Variants in ASPHD2 observed in about 807,000 individuals in gnomAD.
ASPHD2 encodes the protein aspartate beta-hydroxylase domain-containing protein 2.
Under a neutral mutation model 34.6 loss-of-function variants are expected in ASPHD2, and 12 were observed. The observed-to-expected ratio is 0.35, with a 90% CI of 0.22 to 0.56. The LOEUF (loss-of-function observed/expected upper bound fraction) is 0.56, where lower values mean the gene tolerates loss of function less well. ASPHD2 is among the 20% of genes least tolerant of loss of function. The probability of loss-of-function intolerance (pLI) is 0.87; values close to 1 mark genes in which losing one functional copy is unlikely to be tolerated. For synonymous variants in ASPHD2, 224 were observed against 212.2 expected (o/e 1.06, Z -0.48); for missense variants, 375 against 505.0 (o/e 0.74, Z 2.47).
chr22:26,436,260 C>T (rs1020873429), intron 2 of ASPHD2, among the ~76,000 whole-genome samples: 3 of 152,198 alleles, frequency 2.0e-5, no homozygotes, highest in South Asian at 2.1e-4. Flanking sequence ...ACGATTCCCA[C>T]TTGCTGGCTG....
In ASPHD2 at chr22:26,443,228, C is replaced by T. The variant is rs771483098; in HGVS notation, c.*22C>T. On this transcript the variant is annotated 3_prime_UTR_variant, in exon 4 of 4. Coordinates refer to ENST00000215906, the MANE Select transcript of ASPHD2 (RefSeq NM_020437.5). ...ATGAGAGTATTTCCCATGCTGGAGT[C>T]GGCGAGAAGGGCCGAGGCGGGGCCT... 24 of 1,604,412 alleles carry T rather than the reference C, an allele frequency of 1.5e-5. No homozygotes were observed. Among genetic ancestry groups the T allele is most frequent in the East Asian group, 2.2e-5 (1 of 44,840 alleles).
rs1220738861 is a variant in ASPHD2, at chr22:26,433,178, G to A, written c.-224-214G>A. On this transcript the variant is annotated intron_variant, in intron 1 of 3. Coordinates refer to ENST00000215906, the MANE Select transcript of ASPHD2 (RefSeq NM_020437.5). The surrounding 1 kb of genome is among the most constrained non-coding windows in gnomAD (Gnocchi z 5.1). ...CTCCTATGGAGGGCACAAAGCAGAT[G>A]GGACCACTGTAATTATAAGCAGTAC... is the stretch of plus-strand genomic sequence containing the variant. Among the ~76,000 whole-genome samples the A allele has an allele frequency of 6.6e-6, 1 of 152,104 alleles. No homozygotes were observed. Among genetic ancestry groups the A allele is most frequent in the Non-Finnish European group, 1.5e-5 (1 of 68,030 alleles).
rs1292665442 is a variant in ASPHD2 at position 26,442,107 on chromosome 22, A to C, written c.887-352A>C. On this transcript the variant is annotated intron_variant, in intron 2 of 3. Coordinates refer to ENST00000215906, the MANE Select transcript of ASPHD2 (RefSeq NM_020437.5). ...GGCAACAGAGAGAGACTCCATTTCA[A>C]AAAAAAAAAAAAAAAAAGGGAAAAG... Among the ~76,000 whole-genome samples the C allele has an allele frequency of 5.8e-4, 26 of 45,138 alleles. 1 individual carries two copies. Among genetic ancestry groups the C allele is most frequent in the African/African-American group, 2.2e-3 (25 of 11,304 alleles). The allele number at this position is 45,138 out of a possible 152,430, so 29.6% of individuals were successfully genotyped here. A position where few individuals can be genotyped will look rare whatever the true frequency, so the allele number is the denominator to read the frequency against.
In ASPHD2 at chr22:26,433,876, C is replaced by T. The variant is rs777503190; in HGVS notation, c.261C>T (p.Val87=). 2 of 1,613,734 alleles carry T rather than the reference C, an allele frequency of 1.2e-6. No individual in the cohort carries two copies. The highest frequency in any genetic ancestry group is 1.1e-5 in the South Asian group (1 of 91,092). Residue 87 remains valine (V), a synonymous_variant, in exon 2 of 4, where the codon GTC becomes GTT. Coordinates refer to ENST00000215906, the MANE Select transcript of ASPHD2 (RefSeq NM_020437.5). This position sits in a 1 kb window ranked among gnomAD's most constrained non-coding sequence, Gnocchi z 5.1. ...GCAGGGAGCAGCCCCGGCCCTACGT[C>T]TCCGTCAACTCCCTCATGCAGGCTG... The part of the protein sequence containing the change: ...HVGREQPRPY[V]SVNSLMQAAD...
chr22:26,440,773 G>T (rs1001899954), intron 2 of ASPHD2, among the ~76,000 whole-genome samples: 9 of 152,156 alleles, frequency 5.9e-5, no homozygotes, highest in African/African-American at 2.2e-4. Context: ...GGATTAAAAG[G>T]CTAGAACCCA....
rs1386226447 is a variant in ASPHD2 at position 26,429,436 on chromosome 22, G to C, written c.-275G>C. 1 of 145,810 alleles carries C rather than the reference G, an allele frequency of 6.9e-6. No individual in the cohort carries two copies. The highest frequency in any genetic ancestry group is 1.5e-5 in the Non-Finnish European group (1 of 65,758). The allele number at this position is 145,810 out of a possible 1,614,324, so 9.0% of individuals were successfully genotyped here. On this transcript the variant is annotated 5_prime_UTR_variant, in exon 1 of 4. Coordinates refer to ENST00000215906, the MANE Select transcript of ASPHD2 (RefSeq NM_020437.5). The surrounding 1 kb of genome is among the most constrained non-coding windows in gnomAD (Gnocchi z 4.5). The stretch of plus-strand genomic sequence containing the variant: ...GGGCCGTCCGCGGGTCCGCGCCCTC[G>C]GGCGGCGGCGTCTCCTGGGTCCCGG...
In ASPHD2 at chr22:26,443,683, TGGCACACTGG is replaced by T. The variant is rs946771367; in HGVS notation, c.*480_*489del. The T allele has an allele frequency of 6.6e-6, 1 of 151,250 alleles. No individual in the cohort carries two copies. Among genetic ancestry groups the T allele is most frequent in the African/African-American group, 2.4e-5 (1 of 40,988 alleles). 9.4% of individuals were successfully genotyped at this position (151,250 alleles called of 1,614,324 possible). On this transcript the variant is annotated 3_prime_UTR_variant, in exon 4 of 4. Coordinates refer to ENST00000215906, the MANE Select transcript of ASPHD2 (RefSeq NM_020437.5). ...AGCTAGAGAACTTGGCCTCTGATGC[TGGCACACTGG>T]GGACCCTTCAGCCACCTGACGGCAG...
rs2084772691 is a variant in ASPHD2 at position 26,433,788 on chromosome 22, C to A, written c.173C>A (p.Thr58Asn). 5.6e-6 allele frequency: 9 copies of A among 1,613,962 alleles called. No individual in the cohort carries two copies. The highest frequency in any genetic ancestry group is 7.6e-6 in the Non-Finnish European group (9 of 1,180,016). ...ATCCAGTCCGTGCGGGACTGCGACA[C>A]CACCGCTGTCATCACTGTGGCCTGC... ...TGIQSVRDCD[T>N]TAVITVACLL... Residue 58 changes from threonine (T) to asparagine (N), a missense_variant, in exon 2 of 4, where the codon ACC becomes AAC. Physicochemically the swap from Thr to Asn is moderately conservative, Grantham distance 65 (BLOSUM62 0). Transcript: ENST00000215906. The surrounding 1 kb of genome is among the most constrained non-coding windows in gnomAD (Gnocchi z 5.1).
In ASPHD2 at chr22:26,444,735, C is replaced by A. The variant is rs1037345264; in HGVS notation, c.*1529C>A. ...ACAGTTGAAATGCACCAGGCAGGTA[C>A]TAGCAAGTGTGCAAAGAGCACGTCT... On this transcript the variant is annotated 3_prime_UTR_variant, in exon 4 of 4. Transcript: ENST00000215906. 6.6e-6 allele frequency: 1 copy of A among 152,242 alleles called. No homozygotes were observed. Among genetic ancestry groups the A allele is most frequent in the African/African-American group, 2.4e-5 (1 of 41,446 alleles). 9.4% of individuals were successfully genotyped at this position (152,242 alleles called of 1,614,324 possible).
At position 26,430,650 on chromosome 22, in the gene ASPHD2, T is replaced by G. The variant is rs533996463; in HGVS notation, c.-225+1164T>G. 2.0e-4 allele frequency among the ~76,000 whole-genome samples: 30 copies of G among 152,362 alleles called. 2 individuals carry two copies. Among genetic ancestry groups the G allele is most frequent in the Middle Eastern group, 3.4e-3 (1 of 294 alleles). ...ATGTTTGAAGCAGTGCTTAATAAAC[T>G]GCCAGTCACTCTGCAAATGTGTTTC... On this transcript the variant is annotated intron_variant, in intron 1 of 3. Coordinates refer to ENST00000215906, the MANE Select transcript of ASPHD2 (RefSeq NM_020437.5).
intron 1 of ASPHD2, among the ~76,000 whole-genome samples, chr22:26,431,417 G>GAAAAAAAAAA (rs3071719): frequency 7.3e-6 from 1 of 136,618 alleles, no homozygotes; most frequent in Non-Finnish European, 1.6e-5. Context: ...GTGTGGGAAA[G>GAAAAAAAAAA]AAAAAAAAAA....
At chr22:26,441,478 T>TAA (rs34554219) in intron 2 of ASPHD2, among the ~76,000 whole-genome samples, 2,753 of 95,592 alleles carry the variant, frequency 0.029, 156 homozygotes, top group African/African-American at 0.088. Context: ...ACCTTGTATC[T>TAA]AAAAAAAAAA....
chr22:26,443,183 T>G lies in ASPHD2; in HGVS notation c.1087T>G (p.Phe363Val). 6.2e-7 allele frequency: 1 copy of G among 1,614,138 alleles called. No homozygotes were observed. The highest frequency in any genetic ancestry group is 8.5e-7 in the Non-Finnish European group (1 of 1,179,994). Residue 363 changes from phenylalanine to valine, a missense_variant, in exon 4 of 4, where the codon TTC becomes GTC. By Grantham distance (50) the Phe-to-Val change is conservative. Transcript: ENST00000215906. ...AGCGGCCGAACGGCAGGCTCTTGAT[T>G]TCATCTTTGCTCCGGGACGATGAGA... The part of the protein sequence containing the change: ...VAAAERQALD[F>V]IFAPGR
chr22:26,437,804 CCCTCCTT>C (rs1460310302), intron 2 of ASPHD2, among the ~76,000 whole-genome samples: 1 of 152,142 alleles, frequency 6.6e-6, no homozygotes, highest in Non-Finnish European at 1.5e-5. Flanking sequence ...CCTTTCTCTA[CCCTCCTT>C]CCTGCCTCTT....
At position 26,433,140 on chromosome 22, in the gene ASPHD2, G is replaced by C. The variant is rs1246926446; in HGVS notation, c.-224-252G>C. On this transcript the variant is annotated intron_variant, in intron 1 of 3. Coordinates refer to ENST00000215906, the MANE Select transcript of ASPHD2 (RefSeq NM_020437.5). This position sits in a 1 kb window ranked among gnomAD's most constrained non-coding sequence, Gnocchi z 5.1. ...CCTCAGTTTTCTCATCTGTAAAATG[G>C]GGATAATAGCACCTCCTATGGAGGG... Among the ~76,000 whole-genome samples the C allele has an allele frequency of 3.9e-5, 6 of 152,116 alleles. No individual in the cohort carries two copies. The highest frequency in any genetic ancestry group is 2.9e-5 in the Non-Finnish European group (2 of 68,022).
intron 2 of ASPHD2, among the ~76,000 whole-genome samples, chr22:26,442,218 T>C (rs1001838567): frequency 6.6e-6 from 1 of 151,668 alleles, no homozygotes; most frequent in Non-Finnish European, 1.5e-5. Context: ...ACCTTCATGA[T>C]CTGATCACTT....
At chr22:26,438,664 T>TATATATAC (rs1568984174) in intron 2 of ASPHD2, among the ~76,000 whole-genome samples, 13 of 113,726 alleles carry the variant, frequency 1.1e-4, no homozygotes, top group African/African-American at 4.2e-4. Flanking sequence ...TATATATATA[T>TATATATAC]ACACATACAT....
In ASPHD2 at chr22:26,429,601, C is replaced by T. The variant is rs934759040; in HGVS notation, c.-225+115C>T. On this transcript the variant is annotated intron_variant, in intron 1 of 3. Coordinates refer to ENST00000215906, the MANE Select transcript of ASPHD2 (RefSeq NM_020437.5). This position sits in a 1 kb window ranked among gnomAD's most constrained non-coding sequence, Gnocchi z 4.5. The stretch of plus-strand genomic sequence containing the variant: ...CTGCAGGCCCACGGCCCTCCCTTAC[C>T]GGCGCCGCCGCCGCCGCCGCCCCCG... The T allele has an allele frequency of 5.8e-5, 9 of 155,180 alleles. No individual in the cohort carries two copies. The highest frequency in any genetic ancestry group is 1.0e-4 in the Non-Finnish European group (7 of 70,282). 9.6% of individuals were successfully genotyped at this position (155,180 alleles called of 1,614,324 possible). A position where few individuals can be genotyped will look rare whatever the true frequency, so the allele number is the denominator to read the frequency against.
Position 26,434,188 on chromosome 22 carries a change from G to A in ASPHD2, c.573G>A (p.Leu191=). Residue 191 remains leucine (L), a synonymous_variant, in exon 2 of 4, where the codon CTG becomes CTA. Transcript: ENST00000215906. ...CACAGAAACATGATGTGGAAGTGCTGGAACGGAACTTCCAGACCATCCTGT... is the reference window on the plus strand; with the variant it reads ...CACAGAAACATGATGTGGAAGTGCTAGAACGGAACTTCCAGACCATCCTGT... ...RDAQKHDVEV[L]ERNFQTILCE... is the part of the protein sequence containing the mutation. 1 of 1,613,606 alleles carries A rather than the reference G, an allele frequency of 6.2e-7. No individual in the cohort carries two copies. The highest frequency in any genetic ancestry group is 8.5e-7 in the Non-Finnish European group (1 of 1,179,816).
Sources: allele counts gnomAD v4.1 joint callset (sites outside exome capture counted in the v4.1 genomes callset), GRCh38; gene constraint gnomAD v4.1.1; non-coding constraint Gnocchi (gnomAD v3.1); transcripts MANE v1.5; gene names NCBI Gene and HGNC (gene_info 2026-07-23, HGNC 2026-07-21).